Variants in CAMK1D observed in about 807,000 individuals in gnomAD.
CAMK1D encodes the protein calcium/calmodulin dependent protein kinase ID.
Under a neutral mutation model 47.7 loss-of-function variants are expected in CAMK1D, and 9 were observed. The ratio of observed to expected loss-of-function variants is 0.19; its 90% CI spans 0.11 to 0.33. CAMK1D has a LOEUF of 0.33. CAMK1D is among the 10% of genes least tolerant of loss of function. The pLI is 1.00. For missense variants in CAMK1D, 291 were observed against 488.7 expected (o/e 0.60, Z 3.81); for synonymous variants, 184 against 184.9 (o/e 0.99, Z 0.04).
intron 5 of CAMK1D, among the ~76,000 whole-genome samples, chr10:12,774,791 G>C (rs572161450): frequency 3.9e-5 from 6 of 152,348 alleles, no homozygotes; most frequent in South Asian, 2.1e-4. Context: ...ATCTGTGCCC[G>C]CAAGAGATTT....
At chr10:12,557,184 C>T (rs930612263) in intron 2 of CAMK1D, among the ~76,000 whole-genome samples, 29 of 152,186 alleles carry the variant, frequency 1.9e-4, no homozygotes, top group Non-Finnish European at 3.8e-4. Context: ...GTCCAGTTGA[C>T]TGTCCAGTTC....
At chr10:12,812,534 G>A (rs1228449221) in intron 6 of CAMK1D, among the ~76,000 whole-genome samples, 3 of 152,082 alleles carry the variant, frequency 2.0e-5, no homozygotes, top group Non-Finnish European at 4.4e-5. Flanking sequence ...AATAATAGCT[G>A]GAACCCAGGA....
intron 1 of CAMK1D, among the ~76,000 whole-genome samples, chr10:12,514,149 G>C (rs1835118930): frequency 6.6e-6 from 1 of 152,200 alleles, no homozygotes; most frequent in African/African-American, 2.4e-5. Flanking sequence ...CGTGGCAGTG[G>C]TGAGATTTCA....
chr10:12,663,005 A>T (rs1333327799), intron 2 of CAMK1D, among the ~76,000 whole-genome samples: 1 of 152,170 alleles, frequency 6.6e-6, no homozygotes, highest in Non-Finnish European at 1.5e-5. Flanking sequence ...CTGGTTGCCC[A>T]GGCTGGAGTG....
chr10:12,401,206 AAT>A (rs1334215038), intron 1 of CAMK1D, among the ~76,000 whole-genome samples: 1 of 44,552 alleles, frequency 2.2e-5, no homozygotes, highest in Non-Finnish European at 3.7e-5. Context: ...ATATATATAT[AAT>A]ATATGTATTA....
intron 3 of CAMK1D, among the ~76,000 whole-genome samples, chr10:12,738,759 G>A (rs1835292057): frequency 6.6e-6 from 1 of 151,528 alleles, no homozygotes; most frequent in African/African-American, 2.4e-5. Flanking sequence ...GTAAAGCCAG[G>A]AAGCAGAGGC....
In CAMK1D at chr10:12,831,070, C is replaced by CA. The variant is rs1211300850; in HGVS notation, c.*2184dup. On this transcript the variant is annotated 3_prime_UTR_variant, in exon 11 of 11. Coordinates refer to ENST00000619168, the MANE Select transcript of CAMK1D (RefSeq NM_153498.4). ...GCAGCTGGTCTACCCTGTCCCCGCA[C>CA]ACTTCACAGGCACTCCACTGCTTGG... 1 of 152,210 alleles carries CA rather than the reference C, an allele frequency of 6.6e-6. No individual in the cohort carries two copies. Among genetic ancestry groups the CA allele is most frequent in the Non-Finnish European group, 1.5e-5 (1 of 68,082 alleles). 9.4% of individuals were successfully genotyped at this position (152,210 alleles called of 1,614,324 possible). A position where few individuals can be genotyped will look rare whatever the true frequency, so the allele number is the denominator to read the frequency against.
intron 3 of CAMK1D, among the ~76,000 whole-genome samples, chr10:12,734,336 A>AT (rs1835032418): frequency 4.6e-5 from 2 of 43,434 alleles, no homozygotes; most frequent in African/African-American, 2.1e-4. Flanking sequence ...AAAAAAAAAA[A>AT]AAAAAAAAAA....
chr10:12,359,042 C>T (rs1364042733), intron 1 of CAMK1D, among the ~76,000 whole-genome samples: 4 of 152,198 alleles, frequency 2.6e-5, no homozygotes, highest in Non-Finnish European at 5.9e-5. Flanking sequence ...GAACAATCCA[C>T]AGTTGTTCTT....
chr10:12,786,646 A>G (rs1837737136), intron 5 of CAMK1D, among the ~76,000 whole-genome samples: 1 of 152,112 alleles, frequency 6.6e-6, no homozygotes, highest in Non-Finnish European at 1.5e-5. Flanking sequence ...GCAGCTTCCA[A>G]CTCTGGGCTC....
intron 1 of CAMK1D, among the ~76,000 whole-genome samples, chr10:12,497,846 A>G (rs375454451): frequency 4.5e-4 from 69 of 152,362 alleles, no homozygotes; most frequent in African/African-American, 1.6e-3. Flanking sequence ...GTTCATTTTC[A>G]TACTGCTATG....
intron 1 of CAMK1D, among the ~76,000 whole-genome samples, chr10:12,480,464 C>G (rs544739937): frequency 6.6e-6 from 1 of 151,430 alleles, no homozygotes; most frequent in Admixed American, 6.6e-5. Flanking sequence ...CAAAAAAAAA[C>G]CACTCAAGGA....
intron 3 of CAMK1D, among the ~76,000 whole-genome samples, chr10:12,734,660 C>A (rs1262846252): frequency 2.0e-5 from 3 of 151,496 alleles, no homozygotes. Context: ...GTGTTTGTGA[C>A]CTGCTTCCAC....
rs978197449 is a variant in CAMK1D at position 12,712,240 on chromosome 10, T to C, written c.299+45430T>C. 2.6e-5 allele frequency among the ~76,000 whole-genome samples: 4 copies of C among 152,308 alleles called. No individual in the cohort carries two copies. The East Asian group carries it at 7.7e-4, about 29-fold the overall frequency. ...CCAGGGACAATAGGAGCTGATGTTT[T>C]TGGAAGCGTCACACTGCTGGGGTCA... On this transcript the variant is annotated intron_variant, in intron 3 of 10. Transcript: ENST00000619168.
chr10:12,467,988 A>G (rs1833641155), intron 1 of CAMK1D, among the ~76,000 whole-genome samples: 1 of 152,208 alleles, frequency 6.6e-6, no homozygotes, highest in East Asian at 1.9e-4. Flanking sequence ...ACAATATCAT[A>G]ACCAGGATAT....
chr10:12,557,730 C>T (rs898986183), intron 2 of CAMK1D, among the ~76,000 whole-genome samples: 1 of 151,844 alleles, frequency 6.6e-6, no homozygotes, highest in African/African-American at 2.4e-5. Context: ...TGTTTGTTTC[C>T]TGGCCATTGG....
At chr10:12,542,828 C>T (rs1451693426) in intron 1 of CAMK1D, among the ~76,000 whole-genome samples, 1 of 152,142 alleles carries the variant, frequency 6.6e-6, no homozygotes, top group African/African-American at 2.4e-5. Context: ...CTGCAACAAC[C>T]TCCGCCTCCC....
intron 3 of CAMK1D, among the ~76,000 whole-genome samples, chr10:12,697,054 T>C (rs1416238476): frequency 6.6e-6 from 1 of 152,134 alleles, no homozygotes; most frequent in East Asian, 1.9e-4. Context: ...TGAGTTGCCT[T>C]AAAAAAATAG....
At chr10:12,702,764 A>C (rs761383284) in intron 3 of CAMK1D, among the ~76,000 whole-genome samples, 4 of 152,098 alleles carry the variant, frequency 2.6e-5, no homozygotes, top group African/African-American at 4.8e-5. Flanking sequence ...TGAGCTGGGG[A>C]GAGAGAGGTA....
Sources: gnomAD v4.1 joint callset for allele counts (sites outside exome capture counted in the v4.1 genomes callset) on GRCh38, gnomAD v4.1.1 for gene constraint, MANE v1.5 for transcripts, NCBI Gene and HGNC (gene_info 2026-07-23, HGNC 2026-07-21) for gene names.